PSAT1: variants seen among roughly 807,000 people sequenced by gnomAD.
PSAT1 encodes phosphoserine aminotransferase.
Under a neutral mutation model 40.3 loss-of-function variants are expected in PSAT1, and 41 were observed. The ratio of observed to expected loss-of-function variants is 1.02; its 90% CI spans 0.79 to 1.32. PSAT1 has a LOEUF of 1.32. Ranked by LOEUF, PSAT1 falls within the 40% of genes most tolerant of loss-of-function variation. The pLI is 0.00. For missense variants in PSAT1, 406 were observed against 455.8 expected (o/e 0.89, Z 0.99); for synonymous variants, 147 against 170.5 (o/e 0.86, Z 1.07).
chr9:78,321,549 T>A (rs1353888729), intron 7 of PSAT1, among the ~76,000 whole-genome samples: 5 of 152,008 alleles, frequency 3.3e-5, no homozygotes, highest in African/African-American at 1.2e-4. Flanking sequence ...CCTCCCCACT[T>A]CCATGCCCCC....
chr9:78,317,638 G>A (rs1828366724), intron 6 of PSAT1, 38 bp from the exon 7 acceptor site: 5 of 1,609,902 alleles, frequency 3.1e-6, no homozygotes, highest in South Asian at 1.1e-5. Context: ...CTTTTGCAAA[G>A]ATGAGCTAAA....
chr9:78,315,979 A>G (rs1055550464), intron 6 of PSAT1, among the ~76,000 whole-genome samples: 1 of 152,196 alleles, frequency 6.6e-6, no homozygotes, highest in East Asian at 1.9e-4. Flanking sequence ...GAGAGGGCAT[A>G]GTTGGCAGCT....
At chr9:78,328,256 A>C (rs1828529985) in intron 8 of PSAT1, 68 bp downstream of exon 8, 2 of 1,592,914 alleles carry the variant, frequency 1.3e-6, no homozygotes, top group Non-Finnish European at 1.7e-6. Flanking sequence ...AGAATAAAAC[A>C]AATCTATAGG....
intron 7 of PSAT1, among the ~76,000 whole-genome samples, chr9:78,326,955 A>ATTTTTTTTTTTTTTTTTT (rs1554688170): frequency 4.0e-5 from 3 of 75,934 alleles, no homozygotes; most frequent in African/African-American, 1.9e-4. Context: ...ATATATATAT[A>ATTTTTTTTTTTTTTTTTT]TTTTTTTTTT....
chr9:78,317,497 G>A (rs566639857), intron 6 of PSAT1, among the ~76,000 whole-genome samples, 179 bp from the exon 7 acceptor site: 2 of 152,218 alleles, frequency 1.3e-5, no homozygotes, highest in South Asian at 2.1e-4. Flanking sequence ...GCGATCCTTC[G>A]GCCTCGGCCT....
Position 78,306,356 on chromosome 9 carries a change from C to T in PSAT1, c.440C>T (p.Ser147Phe). 1 of 1,612,910 alleles carries T rather than the reference C, an allele frequency of 6.2e-7. No homozygotes were observed. The highest frequency in any genetic ancestry group is 8.5e-7 in the Non-Finnish European group (1 of 1,179,972). Residue 147 changes from serine (S) to phenylalanine (F), a missense_variant, in exon 5 of 9, where the codon TCC becomes TTC. By Grantham distance (155) the Ser-to-Phe change is radical. Transcript: ENST00000376588. ...PSTWNLNPDA[S>F]YVYYCANETV... ...ACCTGGAACCTCAACCCAGATGCCT[C>T]CTACGTGTATTATTGCGCAAATGAG...
At chr9:78,315,578 G>C (rs1587642564) in intron 6 of PSAT1, among the ~76,000 whole-genome samples, 1 of 152,220 alleles carries the variant, frequency 6.6e-6, no homozygotes, top group African/African-American at 2.4e-5. Context: ...CTTTCTGCCA[G>C]CAGCCACTCT....
In PSAT1 at chr9:78,311,470, T is replaced by C. The variant is rs139855017; in HGVS notation, c.740+2887T>C. ...CAGCAAGTTGCGATCAGGGTACAGCTTGGGGCAGGGCAGACAGTCACTCTC... is the reference window on the plus strand; with the variant it reads ...CAGCAAGTTGCGATCAGGGTACAGCCTGGGGCAGGGCAGACAGTCACTCTC... On this transcript the variant is annotated intron_variant, in intron 6 of 8. Transcript: ENST00000376588. Among the ~76,000 whole-genome samples the C allele has an allele frequency of 1.8e-3, 281 of 152,166 alleles. 1 individual carries two copies. Among genetic ancestry groups the C allele is most frequent in the African/African-American group, 6.5e-3 (270 of 41,516 alleles).
At chr9:78,299,019 A>G (rs1032497890) in intron 1 of PSAT1, among the ~76,000 whole-genome samples, 1 of 151,970 alleles carries the variant, frequency 6.6e-6, no homozygotes, top group Non-Finnish European at 1.5e-5. Context: ...GCACGCCTGT[A>G]ATCCAAGCAA....
At chr9:78,298,281 AC>A (rs774506478) in intron 1 of PSAT1, 6 of 985,386 alleles carry the variant, frequency 6.1e-6, no homozygotes, top group Non-Finnish European at 6.0e-6. Flanking sequence ...TATTTTTCTA[AC>A]CAGGATAGAG....
At chr9:78,319,453 C>T (rs1237916697) in intron 7 of PSAT1, among the ~76,000 whole-genome samples, 1 of 152,240 alleles carries the variant, frequency 6.6e-6, no homozygotes, top group African/African-American at 2.4e-5. Flanking sequence ...CTCTGCATTA[C>T]TGCCTGTTCT....
At chr9:78,316,525 AT>A (rs1828347000) in intron 6 of PSAT1, among the ~76,000 whole-genome samples, 1 of 152,082 alleles carries the variant, frequency 6.6e-6, no homozygotes, top group African/African-American at 2.4e-5. Flanking sequence ...CCCACACCCA[AT>A]TCAGAAAATC....
chr9:78,317,615 G>C, intron 6 of PSAT1, 61 bp from the exon 7 acceptor site: 2 of 1,591,544 alleles, frequency 1.3e-6, no homozygotes, highest in Non-Finnish European at 8.6e-7. Context: ...CAGTTTGCTT[G>C]AATATAGTTC....
chr9:78,300,759 A>G (rs1355222814), intron 2 of PSAT1, 97 bp downstream of exon 2: 3 of 1,414,078 alleles, frequency 2.1e-6, no homozygotes, highest in Admixed American at 3.3e-5. Flanking sequence ...TCTGTCACCC[A>G]GGCTGGAGTA....
intron 7 of PSAT1, among the ~76,000 whole-genome samples, chr9:78,319,505 C>T (rs555857196): frequency 1.3e-5 from 2 of 152,240 alleles, no homozygotes; most frequent in Non-Finnish European, 2.9e-5. Flanking sequence ...GCTGGGGGCT[C>T]AGTGCTGGGG....
At chr9:78,318,362 T>C (rs1352736955) in intron 7 of PSAT1, among the ~76,000 whole-genome samples, 1 of 152,224 alleles carries the variant, frequency 6.6e-6, no homozygotes, top group Non-Finnish European at 1.5e-5. Context: ...TGAGTATGTC[T>C]TAACCACTGC....
At chr9:78,316,106 G>A (rs1828339468) in intron 6 of PSAT1, among the ~76,000 whole-genome samples, 1 of 152,144 alleles carries the variant, frequency 6.6e-6, no homozygotes, top group Non-Finnish European at 1.5e-5. Context: ...AAGGAGAGGG[G>A]TTTTCAGACT....
intron 7 of PSAT1, among the ~76,000 whole-genome samples, chr9:78,326,955 A>ATATATATATATATATATATTTTTTT: frequency 4.0e-5 from 3 of 75,934 alleles, no homozygotes; most frequent in African/African-American, 2.8e-4. Flanking sequence ...ATATATATAT[A>ATATATATATATATATATATTTTTTT]TTTTTTTTTT....
intron 7 of PSAT1, among the ~76,000 whole-genome samples, chr9:78,320,524 C>G (rs1370821982): frequency 1.3e-5 from 2 of 151,796 alleles, no homozygotes; most frequent in Non-Finnish European, 2.9e-5. Context: ...TCCATCCACT[C>G]ATTCATCCAC....
Sources: allele counts gnomAD v4.1 joint callset (sites outside exome capture counted in the v4.1 genomes callset), GRCh38; gene constraint gnomAD v4.1.1; transcripts MANE v1.5; gene names NCBI Gene and HGNC (gene_info 2026-07-23, HGNC 2026-07-21).